PTPRN2: variants seen among roughly 807,000 people sequenced by gnomAD.
The protein encoded by PTPRN2 is receptor-type tyrosine-protein phosphatase N2.
A neutral mutation model predicts 118.8 loss-of-function variants in PTPRN2; 74 were observed. The ratio of observed to expected loss-of-function variants is 0.62; its 90% confidence interval spans 0.52 to 0.76. The LOEUF is 0.76. PTPRN2 is among the 30% of genes least tolerant of loss of function. The pLI is 0.00. For synonymous variants in PTPRN2, 641 were observed against 608.0 expected (o/e 1.05, Z -0.80); for missense variants, 1,481 against 1,394.4 (o/e 1.06, Z -0.99).
intron 2 of PTPRN2, among the ~76,000 whole-genome samples, chr7:158,414,731 G>T (rs570626975): frequency 6.6e-6 from 1 of 152,188 alleles, no homozygotes; most frequent in African/African-American, 2.4e-5. Flanking sequence ...CTCATTCTTC[G>T]AGGCTCCACT....
At chr7:157,669,135 T>C (rs1040116153) in intron 13 of PTPRN2, among the ~76,000 whole-genome samples, 1 of 152,152 alleles carries the variant, frequency 6.6e-6, no homozygotes, top group Admixed American at 6.5e-5. Context: ...TGGGTGCATC[T>C]GGGGCAGCCC....
intron 11 of PTPRN2, among the ~76,000 whole-genome samples, chr7:158,067,070 G>C (rs1165568539): frequency 6.6e-6 from 1 of 152,186 alleles, no homozygotes; most frequent in Non-Finnish European, 1.5e-5. Context: ...CTTACACCTG[G>C]CACCTAAGCA....
intron 17 of PTPRN2, among the ~76,000 whole-genome samples, chr7:157,592,216 A>G (rs1801019349): frequency 6.6e-6 from 1 of 152,236 alleles, no homozygotes; most frequent in Non-Finnish European, 1.5e-5. Context: ...ATAAGATGTA[A>G]ACACTGATCA....
At chr7:157,691,072 C>CT (rs1554524113) in intron 12 of PTPRN2, among the ~76,000 whole-genome samples, 3 of 113,154 alleles carry the variant, frequency 2.7e-5, no homozygotes, top group African/African-American at 9.1e-5. Context: ...CGATGTCCCC[C>CT]CCCCCCCCCA....
intron 2 of PTPRN2, among the ~76,000 whole-genome samples, chr7:158,448,096 G>T (rs146603901): frequency 6.6e-6 from 1 of 152,090 alleles, no homozygotes; most frequent in South Asian, 2.1e-4. Flanking sequence ...CCACTCCACC[G>T]CCAGGGCTGC....
intron 10 of PTPRN2, among the ~76,000 whole-genome samples, chr7:158,096,501 G>A (rs1442663370): frequency 1.3e-5 from 2 of 152,244 alleles, no homozygotes; most frequent in Non-Finnish European, 2.9e-5. Flanking sequence ...CACTCAAACA[G>A]AATTATTATT....
At chr7:158,283,077 A>G (rs11973244) in intron 3 of PTPRN2, among the ~76,000 whole-genome samples, 82,119 of 152,180 alleles carry the variant, frequency 0.54, 22,645 homozygotes, top group Non-Finnish European at 0.61. Flanking sequence ...TCAGGAGGAA[A>G]ACACTCTTGA....
At chr7:157,547,993 G>A (rs1441740869) in intron 22 of PTPRN2, among the ~76,000 whole-genome samples, 2 of 151,320 alleles carry the variant, frequency 1.3e-5, no homozygotes, top group African/African-American at 4.9e-5. Flanking sequence ...GGTTTGCATC[G>A]GTGCTGACTT....
At chr7:157,620,306 G>T (rs1803079072) in intron 15 of PTPRN2, among the ~76,000 whole-genome samples, 1 of 152,186 alleles carries the variant, frequency 6.6e-6, no homozygotes, top group Non-Finnish European at 1.5e-5. Context: ...TCCTCATCTT[G>T]TAAGCAGCTT....
At chr7:157,743,218 A>G (rs1259211561) in intron 12 of PTPRN2, among the ~76,000 whole-genome samples, 2 of 152,206 alleles carry the variant, frequency 1.3e-5, no homozygotes, top group African/African-American at 4.8e-5. Flanking sequence ...AGCTCTGGGA[A>G]CCGACCATCA....
At position 157,598,153 on chromosome 7, in the gene PTPRN2, A is replaced by T. The variant is rs990349713; in HGVS notation, c.2419-2838T>A. 1.3e-5 allele frequency among the ~76,000 whole-genome samples: 2 copies of T among 152,234 alleles called. No individual in the cohort carries two copies. The highest frequency in any genetic ancestry group is 2.4e-5 in the African/African-American group (1 of 41,460). ...TAACATTGCTTTTTCCAATGAGGGCATCTGCGTGACAACCGGACATGGTGG... is the reference window on the plus strand; with the variant it reads ...TAACATTGCTTTTTCCAATGAGGGCTTCTGCGTGACAACCGGACATGGTGG... On this transcript the variant is annotated intron_variant, in intron 16 of 22. Coordinates refer to ENST00000389418, the MANE Select transcript of PTPRN2 (RefSeq NM_002847.5). This position sits in a 1 kb window ranked among gnomAD's most constrained non-coding sequence, Gnocchi z 5.2.
intron 2 of PTPRN2, among the ~76,000 whole-genome samples, chr7:158,447,981 CA>C (rs1454032266): frequency 6.6e-6 from 1 of 152,244 alleles, no homozygotes; most frequent in Non-Finnish European, 1.5e-5. Flanking sequence ...GCATCATCGT[CA>C]GCCCGAGGAT....
chr7:157,544,581 T>C (rs964933996), intron 22 of PTPRN2, among the ~76,000 whole-genome samples: 4 of 152,100 alleles, frequency 2.6e-5, no homozygotes, highest in African/African-American at 9.7e-5. Context: ...GAGGAGGGCA[T>C]GGGGCTTCTT....
intron 3 of PTPRN2, among the ~76,000 whole-genome samples, chr7:158,284,616 G>A (rs1337216410): frequency 1.3e-5 from 2 of 152,060 alleles, no homozygotes; most frequent in African/African-American, 4.8e-5. Context: ...AGGCTCTCAG[G>A]TGCCCCTTCC....
At chr7:157,659,521 G>A (rs1330346619) in intron 13 of PTPRN2, among the ~76,000 whole-genome samples, 1 of 151,438 alleles carries the variant, frequency 6.6e-6, no homozygotes, top group African/African-American at 2.4e-5. Flanking sequence ...CACAGGGGAA[G>A]GTGGACTTTA....
intron 12 of PTPRN2, among the ~76,000 whole-genome samples, chr7:157,882,906 G>T (rs1319764455): frequency 6.7e-6 from 1 of 148,708 alleles, no homozygotes; most frequent in Non-Finnish European, 1.5e-5. Flanking sequence ...GATTGTTGGA[G>T]ATCAGAACAT....
In PTPRN2 at chr7:158,167,090, C is replaced by T; in HGVS notation, c.751G>A (p.Ala251Thr). The change falls in exon 6 of 23, where the codon GCC becomes ACC. Residue 251 changes from alanine to threonine, a missense_variant. This residue lies in a region of PTPRN2 where 1,115 missense variants were observed against 994.2 expected (regional missense o/e 1.12). Coordinates refer to ENST00000389418, the MANE Select transcript of PTPRN2 (RefSeq NM_002847.5). Reference sequence around the variant, plus strand: ...CCGGGGGGAGCTGGGGGCCTCTGGGCAGCATAGGCACTGAGGGCCGCCATC... The same window carrying T: ...CCGGGGGGAGCTGGGGGCCTCTGGGTAGCATAGGCACTGAGGGCCGCCATC... Reference protein sequence around the residue: ...HLMAALSAYAAQRPPAPPGEG... With the variant: ...HLMAALSAYATQRPPAPPGEG... The T allele has an allele frequency of 6.2e-7, 1 of 1,608,774 alleles. No homozygotes were observed. Among genetic ancestry groups the T allele is most frequent in the Non-Finnish European group, 8.5e-7 (1 of 1,177,246 alleles).
Position 158,127,293 on chromosome 7 carries a change from CCTCCT to C in PTPRN2, c.1556+6379_1556+6383del, listed in dbSNP as rs200963862. Among the ~76,000 whole-genome samples the C allele has an allele frequency of 7.0e-3, 1,049 of 149,322 alleles. 11 individuals are homozygous for C. Among genetic ancestry groups the C allele is most frequent in the African/African-American group, 0.018 (706 of 38,906 alleles). On this transcript the variant is annotated intron_variant, in intron 9 of 22. Coordinates refer to ENST00000389418, the MANE Select transcript of PTPRN2 (RefSeq NM_002847.5). ...TCATCCGTGCACCTGTGCCCTGCGT[CCTCCT>C]CTGCGTGCACCCTGCGTCCTCCTCT...
intron 14 of PTPRN2, 22 bp downstream of exon 14, chr7:157,656,335 G>A: frequency 6.5e-7 from 1 of 1,534,668 alleles, no homozygotes; most frequent in African/African-American, 1.4e-5. Flanking sequence ...TGTGTGGCAG[G>A]GAGTGCAAAG....
Sources: gnomAD v4.1 joint callset for allele counts (sites outside exome capture counted in the v4.1 genomes callset) on GRCh38, gnomAD v4.1.1 for gene constraint, gnomAD v4.1.1 regional missense constraint, Gnocchi (gnomAD v3.1) non-coding constraint, MANE v1.5 for transcripts, NCBI Gene and HGNC (gene_info 2026-07-23, HGNC 2026-07-21) for gene names.